Variants in CPE observed in about 807,000 individuals in gnomAD.
CPE encodes the protein carboxypeptidase E, also known as carbocypeptidase E.
CPE carries 17 observed loss-of-function variants against 53.5 expected under a neutral mutation model. The observed-to-expected ratio is 0.32, with a 90% confidence interval of 0.22 to 0.48. CPE has a LOEUF of 0.48. CPE is among the 20% of genes least tolerant of loss of function. The pLI is 0.99. For missense variants in CPE, 524 were observed against 614.7 expected (o/e 0.85, Z 1.56); for synonymous variants, 226 against 228.8 (o/e 0.99, Z 0.11).
At chr4:165,386,057 G>A (rs1293139800) in intron 1 of CPE, among the ~76,000 whole-genome samples, 1 of 152,116 alleles carries the variant, frequency 6.6e-6, no homozygotes, top group Non-Finnish European at 1.5e-5. Flanking sequence ...CAAATCCTGA[G>A]GCTTCTTATT....
intron 1 of CPE, among the ~76,000 whole-genome samples, chr4:165,442,014 G>A (rs1430210764): frequency 2.0e-5 from 3 of 147,426 alleles, no homozygotes; most frequent in Admixed American, 6.8e-5. Context: ...ACAGCAAGAC[G>A]GTGAGTTTGT....
chr4:165,494,942 G>A (rs773600584), intron 7 of CPE, among the ~76,000 whole-genome samples: 15 of 152,292 alleles, frequency 9.8e-5, no homozygotes, highest in East Asian at 5.8e-4. Flanking sequence ...GCCTCTGCTC[G>A]CAACCTTAGC....
At chr4:165,468,872 C>T (rs1732152016) in intron 3 of CPE, among the ~76,000 whole-genome samples, 1 of 152,180 alleles carries the variant, frequency 6.6e-6, no homozygotes, top group Non-Finnish European at 1.5e-5. Context: ...AAAGTGAAAA[C>T]TTAATGTGAT....
At chr4:165,442,684 A>C (rs1579263623) in intron 1 of CPE, among the ~76,000 whole-genome samples, 1 of 152,170 alleles carries the variant, frequency 6.6e-6, no homozygotes, top group African/African-American at 2.4e-5. Flanking sequence ...ATTTCCCGGG[A>C]CAGTACAGAG....
At chr4:165,440,109 T>G (rs1731581920) in intron 1 of CPE, among the ~76,000 whole-genome samples, 1 of 152,186 alleles carries the variant, frequency 6.6e-6, no homozygotes. Flanking sequence ...ATAAACATTG[T>G]GCATGTGTGT....
Position 165,461,463 on chromosome 4 carries a change from G to C in CPE, c.308-2927G>C, listed in dbSNP as rs531595908. Reference sequence around the variant, plus strand: ...TGGTCTTTATCATGAAAGCAAAGGGGAAGTTACTGATGGGTTCTTTGGTGG... The same window carrying C: ...TGGTCTTTATCATGAAAGCAAAGGGCAAGTTACTGATGGGTTCTTTGGTGG... On this transcript the variant is annotated intron_variant, in intron 1 of 8. Transcript: ENST00000402744. Among the ~76,000 whole-genome samples, 4 of 152,196 alleles carry C rather than the reference G, an allele frequency of 2.6e-5. No individual in the cohort carries two copies. In the East Asian group the frequency reaches 7.8e-4, roughly 30 times the overall value.
intron 1 of CPE, among the ~76,000 whole-genome samples, chr4:165,385,199 T>C (rs1324398780): frequency 1.3e-5 from 2 of 152,192 alleles, no homozygotes; most frequent in African/African-American, 4.8e-5. Flanking sequence ...TTACATCTGG[T>C]TATTAAAAAG....
intron 1 of CPE, among the ~76,000 whole-genome samples, chr4:165,439,342 G>A (rs773639837): frequency 1.3e-5 from 2 of 152,110 alleles, no homozygotes; most frequent in Non-Finnish European, 2.9e-5. Context: ...AAATGGATAA[G>A]GTAGAAGAAG....
intron 1 of CPE, among the ~76,000 whole-genome samples, chr4:165,395,033 A>T (rs1365698497): frequency 6.6e-6 from 1 of 152,192 alleles, no homozygotes; most frequent in Non-Finnish European, 1.5e-5. Flanking sequence ...CGTGTGAATG[A>T]TGTTTTTTTG....
At chr4:165,466,563 A>C (rs10015936) in intron 2 of CPE, among the ~76,000 whole-genome samples, 113,236 of 151,966 alleles carry the variant, frequency 0.75, 42,566 homozygotes, top group African/African-American at 0.83. Context: ...TGTCACCAGG[A>C]TGGAGTGCAA....
chr4:165,490,991 C>T (rs1560897870), intron 6 of CPE, among the ~76,000 whole-genome samples: 1 of 152,170 alleles, frequency 6.6e-6, no homozygotes. Flanking sequence ...AAAAGCCATA[C>T]AATCTGAATT....
intron 2 of CPE, 81 bp from the exon 3 acceptor site, chr4:165,467,607 A>G: frequency 7.7e-7 from 1 of 1,305,368 alleles, no homozygotes; most frequent in Non-Finnish European, 1.0e-6. Context: ...TATTTTAAAG[A>G]GCATTGATAG....
chr4:165,462,112 G>A lies in CPE; in HGVS notation c.308-2278G>A, dbSNP rs532631748. On this transcript the variant is annotated intron_variant, in intron 1 of 8. Coordinates refer to ENST00000402744, the MANE Select transcript of CPE (RefSeq NM_001873.4). ...CCTGAGAGAAATCTGCAGATTTGAA[G>A]AGAAACCATGTCATACATTTTCTGA... Among the ~76,000 whole-genome samples, 5 of 152,294 alleles carry A rather than the reference G, an allele frequency of 3.3e-5. No individual in the cohort carries two copies. The South Asian group carries it at 8.3e-4, about 25-fold the overall frequency.
intron 1 of CPE, among the ~76,000 whole-genome samples, chr4:165,399,959 TAAC>T (rs1730839371): frequency 6.6e-6 from 1 of 152,104 alleles, no homozygotes; most frequent in Non-Finnish European, 1.5e-5. Flanking sequence ...CAGAGGATAA[TAAC>T]AGAGCACTTT....
Position 165,414,270 on chromosome 4 carries a change from T to C in CPE, c.307+34742T>C, listed in dbSNP as rs866965563. ...TTATCTTGAAAACAGTTCTGCATCT[T>C]TGGATAAAAATCTATTTTATTCCAA... On this transcript the variant is annotated intron_variant, in intron 1 of 8. Coordinates refer to ENST00000402744, the MANE Select transcript of CPE (RefSeq NM_001873.4). 5.3e-5 allele frequency among the ~76,000 whole-genome samples: 8 copies of C among 152,316 alleles called. 1 individual carries two copies. The South Asian group carries it at 1.7e-3, about 32-fold the overall frequency.
At chr4:165,478,449 A>G (rs1388658026) in intron 3 of CPE, among the ~76,000 whole-genome samples, 1 of 152,224 alleles carries the variant, frequency 6.6e-6, no homozygotes, top group Non-Finnish European at 1.5e-5. Context: ...TGATGTAAGA[A>G]CTAGTAATAG....
intron 1 of CPE, chr4:165,405,008 T>C: frequency 1.3e-6 from 1 of 742,044 alleles, no homozygotes; most frequent in South Asian, 1.4e-5. Context: ...ACTAAGGAAG[T>C]TGTGATGGAT....
At chr4:165,427,861 T>C (rs1222741533) in intron 1 of CPE, among the ~76,000 whole-genome samples, 1 of 142,606 alleles carries the variant, frequency 7.0e-6, no homozygotes, top group African/African-American at 2.6e-5. Flanking sequence ...TGATATTTAA[T>C]TTAGATGTAA....
At position 165,446,963 on chromosome 4, in the gene CPE, C is replaced by T. The variant is rs1241358924; in HGVS notation, c.308-17427C>T. Among the ~76,000 whole-genome samples, 3 of 152,132 alleles carry T rather than the reference C, an allele frequency of 2.0e-5. No individual in the cohort carries two copies. The East Asian group carries it at 5.8e-4, about 29-fold the overall frequency. On this transcript the variant is annotated intron_variant, in intron 1 of 8. Transcript: ENST00000402744. ...TGAACATCAGACTATATGGTAGAGC[C>T]TACTACACATGTAGGTTATGTGGTA... is the stretch of plus-strand genomic sequence containing the variant.
Sources: allele counts gnomAD v4.1 joint callset (sites outside exome capture counted in the v4.1 genomes callset), GRCh38; gene constraint gnomAD v4.1.1; transcripts MANE v1.5; gene names NCBI Gene and HGNC (gene_info 2026-07-23, HGNC 2026-07-21).